GPR39: variants seen among roughly 807,000 people sequenced by gnomAD.
The protein encoded by GPR39 is zinc sensing receptor.
In GPR39, 23 loss-of-function variants were observed where a neutral mutation model predicts 18.4. That is an observed-to-expected ratio of 1.25 (90% CI 0.90 to 1.77). The LOEUF (loss-of-function observed/expected upper bound fraction) is 1.77. Ranked by LOEUF, GPR39 falls within the 40% of genes most tolerant of loss-of-function variation. GPR39 has a pLI of 0.00. For missense variants in GPR39, 647 were observed against 602.4 expected (o/e 1.07, Z -0.78); for synonymous variants, 280 against 257.9 (o/e 1.09, Z -0.82).
At chr2:132,563,230 G>T (rs548113725) in intron 1 of GPR39, among the ~76,000 whole-genome samples, 6 of 152,334 alleles carry the variant, frequency 3.9e-5, no homozygotes, top group African/African-American at 1.2e-4. Context: ...TTGAGAGGAG[G>T]TGATTATACT....
At chr2:132,452,257 C>G (rs1185402234) in intron 1 of GPR39, among the ~76,000 whole-genome samples, 3 of 152,076 alleles carry the variant, frequency 2.0e-5, no homozygotes, top group African/African-American at 7.2e-5. Flanking sequence ...TCACTTTTTT[C>G]CAGGATACTC....
At chr2:132,629,798 A>T (rs1433066507) in intron 1 of GPR39, among the ~76,000 whole-genome samples, 1 of 152,158 alleles carries the variant, frequency 6.6e-6, no homozygotes, top group Admixed American at 6.5e-5. Context: ...TAAACTCTGG[A>T]GGAGGGTGTG....
intron 1 of GPR39, among the ~76,000 whole-genome samples, chr2:132,460,215 G>A (rs1680806389): frequency 6.6e-6 from 1 of 152,198 alleles, no homozygotes; most frequent in Admixed American, 6.5e-5. Context: ...CTGTGTTTTA[G>A]CTGTAGAAAG....
intron 1 of GPR39, among the ~76,000 whole-genome samples, chr2:132,520,803 A>G (rs562298410): frequency 1.3e-5 from 2 of 152,114 alleles, no homozygotes; most frequent in Admixed American, 1.3e-4. Flanking sequence ...TGGGAGAATC[A>G]GGTTTACCTG....
chr2:132,449,225 C>A (rs1680590393), intron 1 of GPR39, among the ~76,000 whole-genome samples: 1 of 87,390 alleles, frequency 1.1e-5, no homozygotes, highest in Non-Finnish European at 2.7e-5. Context: ...TTTTCCTTTC[C>A]TTCGTGTTTT....
intron 1 of GPR39, among the ~76,000 whole-genome samples, chr2:132,485,990 T>A (rs1293619779): frequency 6.6e-6 from 1 of 152,208 alleles, no homozygotes; most frequent in Non-Finnish European, 1.5e-5. Flanking sequence ...TCTTAAATAA[T>A]TAGACTCAAA....
chr2:132,483,986 C>G (rs1260276119), intron 1 of GPR39, among the ~76,000 whole-genome samples: 1 of 152,166 alleles, frequency 6.6e-6, no homozygotes, highest in Non-Finnish European at 1.5e-5. Context: ...TTTTCTTGAC[C>G]TTGATGGGAA....
intron 1 of GPR39, among the ~76,000 whole-genome samples, chr2:132,520,905 G>T (rs7571728): frequency 2.6e-5 from 4 of 152,090 alleles, no homozygotes; most frequent in South Asian, 2.1e-4. Context: ...GTCAGAGAGA[G>T]GGATCTGTGT....
At chr2:132,618,596 G>A (rs958093664) in intron 1 of GPR39, among the ~76,000 whole-genome samples, 10 of 152,058 alleles carry the variant, frequency 6.6e-5, no homozygotes, top group African/African-American at 2.2e-4. Context: ...CAGGGAAACC[G>A]AGGCCACTGC....
Position 132,416,869 on chromosome 2 carries a change from G to A in GPR39, c.-174G>A, listed in dbSNP as rs1679910415. Reference sequence around the variant, plus strand: ...GCCTCTCCTAGGTTGGGCTGCTCCAGCAAGTTTCCATGAAAGCACCTGAAA... The same window carrying A: ...GCCTCTCCTAGGTTGGGCTGCTCCAACAAGTTTCCATGAAAGCACCTGAAA... On this transcript the variant is annotated 5_prime_UTR_variant, in exon 1 of 2. Coordinates refer to ENST00000329321, the MANE Select transcript of GPR39 (RefSeq NM_001508.3). The A allele has an allele frequency of 1.6e-5, 14 of 871,030 alleles. No individual in the cohort carries two copies. The highest frequency in any genetic ancestry group is 2.2e-5 in the Non-Finnish European group (13 of 580,290). 54.0% of individuals were successfully genotyped at this position (871,030 alleles called of 1,614,324 possible).
intron 1 of GPR39, among the ~76,000 whole-genome samples, chr2:132,454,122 G>T (rs928953501): frequency 3.3e-5 from 5 of 152,188 alleles, no homozygotes. Context: ...ATCATGGAAT[G>T]TTCTTCCATT....
In GPR39 at chr2:132,608,987, G is replaced by C. The variant is rs1681190771; in HGVS notation, c.857-36114G>C. Among the ~76,000 whole-genome samples the C allele has an allele frequency of 2.6e-5, 4 of 152,164 alleles. No individual in the cohort carries two copies. The South Asian group carries it at 6.2e-4, about 24-fold the overall frequency. ...GGCCTGCAAAATAAAGAAATAAATA[G>C]ATGGACAAACAAATAAATGGGGAGG... On this transcript the variant is annotated intron_variant, in intron 1 of 1. Coordinates refer to ENST00000329321, the MANE Select transcript of GPR39 (RefSeq NM_001508.3).
intron 1 of GPR39, among the ~76,000 whole-genome samples, chr2:132,492,836 C>T (rs62645262): frequency 1.1e-3 from 157 of 138,032 alleles, no homozygotes; most frequent in African/African-American, 4.1e-3. Context: ...ACCATATACA[C>T]ACCATATATA....
intron 1 of GPR39, among the ~76,000 whole-genome samples, chr2:132,643,120 CTGTTGT>C (rs1321867792): frequency 6.6e-6 from 1 of 151,234 alleles, no homozygotes; most frequent in Non-Finnish European, 1.5e-5. Flanking sequence ...TTTGTTGTTG[CTGTTGT>C]TGTTCCTATC....
At chr2:132,553,125 C>T (rs1171945576) in intron 1 of GPR39, among the ~76,000 whole-genome samples, 4 of 151,070 alleles carry the variant, frequency 2.6e-5, no homozygotes, top group Non-Finnish European at 5.9e-5. Context: ...GGGGTTTTGC[C>T]ATGTTGGCTA....
chr2:132,567,699 C>G (rs560302565), intron 1 of GPR39, among the ~76,000 whole-genome samples: 3 of 152,216 alleles, frequency 2.0e-5, no homozygotes, highest in African/African-American at 4.8e-5. Flanking sequence ...GACCCTGCAG[C>G]AGATGGTGAA....
At chr2:132,458,004 G>A (rs546897524) in intron 1 of GPR39, among the ~76,000 whole-genome samples, 6 of 152,360 alleles carry the variant, frequency 3.9e-5, no homozygotes, top group South Asian at 4.1e-4. Context: ...CAGTATTTGG[G>A]TGGAAGTGTC....
chr2:132,431,226 G>A (rs1680219860), intron 1 of GPR39, among the ~76,000 whole-genome samples: 1 of 152,190 alleles, frequency 6.6e-6, no homozygotes, highest in Non-Finnish European at 1.5e-5. Flanking sequence ...CTCTGGCTGT[G>A]CTTCAGCATC....
At position 132,417,727 on chromosome 2, in the gene GPR39, G is replaced by T. The variant is rs1461565867; in HGVS notation, c.685G>T (p.Val229Leu). ...CCAGTCCAGCATCTTCGGCGCCTTC[G>T]TGGTCTACCTCGTGGTCCTGCTCTC... Reference protein sequence around the residue: ...VFQSSIFGAFVVYLVVLLSVA... With the variant: ...VFQSSIFGAFLVYLVVLLSVA... The change falls in exon 1 of 2, where the codon GTG becomes TTG. Residue 229 changes from valine (V) to leucine (L), a missense_variant. By Grantham distance (32) the Val-to-Leu change is conservative (BLOSUM62 1). Around this residue, in one of 3 missense-constraint regions of GPR39, gnomAD observed 581 missense variants for 506.8 expected, o/e 1.15. Transcript: ENST00000329321. 1.2e-6 allele frequency: 2 copies of T among 1,614,142 alleles called. No homozygotes were observed. Among genetic ancestry groups the T allele is most frequent in the East Asian group, 4.5e-5 (2 of 44,864 alleles).
Sources: allele counts gnomAD v4.1 joint callset (sites outside exome capture counted in the v4.1 genomes callset), GRCh38; gene constraint gnomAD v4.1.1; regional missense constraint gnomAD v4.1.1; transcripts MANE v1.5; gene names NCBI Gene and HGNC (gene_info 2026-07-23, HGNC 2026-07-21).